The following MIDEAS variants were observed in gnomAD, a reference collection of about 807,000 sequenced individuals.
MIDEAS encodes the protein mitotic deacetylase-associated SANT domain protein.
In MIDEAS, 26 loss-of-function variants were observed where a neutral mutation model predicts 102.7. The observed-to-expected ratio is 0.25, with a 90% CI of 0.19 to 0.35. The LOEUF (loss-of-function observed/expected upper bound fraction) is 0.35. Among genes scored for constraint, MIDEAS ranks in the 10% least tolerant of loss-of-function variants. MIDEAS has a pLI of 1.00. For synonymous variants in MIDEAS, 585 were observed against 591.0 expected (o/e 0.99, Z 0.15); for missense variants, 1,231 against 1,435.6 (o/e 0.86, Z 2.30).
At position 73,727,448 on chromosome 14, in the gene MIDEAS, C is replaced by T. The variant is rs1364712089; in HGVS notation, c.2162+10G>A. 6.2e-7 allele frequency: 1 copy of T among 1,613,902 alleles called. No individual in the cohort carries two copies. Among genetic ancestry groups the T allele is most frequent in the Non-Finnish European group, 8.5e-7 (1 of 1,179,998 alleles). On this transcript the variant is annotated intron_variant, in intron 5 of 12. Transcript: ENST00000423556. Reference sequence around the variant, plus strand: ...CCACACCCCTCGGCCAGGGGCAGGGCTGCACTTACGGCTCGATGCTCACTG... The same window carrying T: ...CCACACCCCTCGGCCAGGGGCAGGGTTGCACTTACGGCTCGATGCTCACTG...
upstream of MIDEAS, among the ~76,000 whole-genome samples, chr14:73,764,343 AAAAAAAAAAAAAAAAAAAAAC>A (rs1236393848): frequency 1.7e-5 from 1 of 57,598 alleles, no homozygotes; most frequent in Non-Finnish European, 3.5e-5. Context: ...CTGTCTCAAA[AAAAAAAAAAAAAAAAAAAAAC>A]AAAACAAAAC....
intron 1 of MIDEAS, among the ~76,000 whole-genome samples, chr14:73,767,247 T>G (rs760416715): frequency 1.3e-4 from 20 of 152,226 alleles, no homozygotes; most frequent in Admixed American, 4.6e-4. Flanking sequence ...TCAATAACTA[T>G]TGAGGCTCAG....
In MIDEAS at chr14:73,726,579, C is replaced by T. The variant is rs113920409; in HGVS notation, c.2409+25G>A. On this transcript the variant is annotated intron_variant, in intron 7 of 12. Transcript: ENST00000423556. ...AAGCCAGCCCCCACTGAGGGGCCCT[C>T]CCTCTGCTGGGGTTGCCTTCTCACC... The T allele has an allele frequency of 1.2e-5, 20 of 1,610,152 alleles. No homozygotes were observed. In the African/African-American group the frequency reaches 1.7e-4, roughly 14 times the overall value.
At chr14:73,750,020 C>A (rs1218560568) in intron 1 of MIDEAS, among the ~76,000 whole-genome samples, 2 of 152,148 alleles carry the variant, frequency 1.3e-5, no homozygotes, top group Non-Finnish European at 2.9e-5. Context: ...CTGCTTTTCC[C>A]TAGGAAAAAT....
intron 1 of MIDEAS, among the ~76,000 whole-genome samples, chr14:73,776,790 T>C (rs1242411140): frequency 6.6e-6 from 1 of 151,830 alleles, no homozygotes; most frequent in East Asian, 2.0e-4. Flanking sequence ...TTCAGAACCG[T>C]AACATCAGCC....
upstream of MIDEAS, among the ~76,000 whole-genome samples, chr14:73,762,671 G>C (rs983895299): frequency 6.6e-6 from 1 of 152,180 alleles, no homozygotes; most frequent in African/African-American, 2.4e-5. Context: ...CGTGTGAAGT[G>C]AAAGTTTTGG....
At position 73,739,423 on chromosome 14, in the gene MIDEAS, C is replaced by T; in HGVS notation, c.586G>A (p.Ala196Thr). ...GCTGCGTGGAAAGAATTCAGGGGTG[C>T]CTGGGGCCGCCCTACCTCCAGCTGC... ...KVQLEVGRPQ[A>T]PLNSFHAAKK... The change falls in exon 2 of 13, where the codon GCA becomes ACA. Residue 196 changes from alanine (A) to threonine (T), a missense_variant. Physicochemically the swap from Ala to Thr is moderately conservative, Grantham distance 58. Transcript: ENST00000423556. The T allele has an allele frequency of 6.3e-7, 1 of 1,582,470 alleles. No homozygotes were observed.
In MIDEAS at chr14:73,718,169, C is replaced by T. The variant is rs2052922056; in HGVS notation, c.*674G>A. The stretch of plus-strand genomic sequence containing the variant: ...AGCCCCTCCCCCAACGCTGAGAAAA[C>T]TTTCTAGCCCTAGCAAGGCCGCCAG... On this transcript the variant is annotated 3_prime_UTR_variant, in exon 13 of 13. Coordinates refer to ENST00000423556, the MANE Select transcript of MIDEAS (RefSeq NM_001367710.1). 6.6e-6 allele frequency: 1 copy of T among 152,438 alleles called. No homozygotes were observed. Among genetic ancestry groups the T allele is most frequent in the African/African-American group, 2.4e-5 (1 of 41,442 alleles). 9.4% of individuals were successfully genotyped at this position (152,438 alleles called of 1,614,324 possible).
intron 1 of MIDEAS, among the ~76,000 whole-genome samples, chr14:73,774,460 T>C (rs2053672090): frequency 6.6e-6 from 1 of 151,918 alleles, no homozygotes. Context: ...TCCCCAGCTC[T>C]GTCTCTGTGT....
intron 1 of MIDEAS, among the ~76,000 whole-genome samples, chr14:73,744,429 G>T (rs189782237): frequency 4.9e-4 from 74 of 152,326 alleles, no homozygotes; most frequent in African/African-American, 1.7e-3. Flanking sequence ...AGCTGCGGGG[G>T]CTCAGCTCTG....
chr14:73,752,748 A>G (rs1392737119), intron 1 of MIDEAS, among the ~76,000 whole-genome samples: 1 of 152,196 alleles, frequency 6.6e-6, no homozygotes, highest in East Asian at 1.9e-4. Flanking sequence ...AGGCTCACAC[A>G]TTCTTTGCAT....
chr14:73,758,037 G>C (rs565786412), intron 1 of MIDEAS, among the ~76,000 whole-genome samples: 1 of 152,204 alleles, frequency 6.6e-6, no homozygotes, highest in East Asian at 1.9e-4. Context: ...GTATGACCTG[G>C]GGGCATCCTC....
At position 73,715,251 on chromosome 14, in the gene MIDEAS, AAAG is replaced by A. The variant is rs1476859569; in HGVS notation, c.*3589_*3591del. 1 of 152,672 alleles carries A rather than the reference AAAG, an allele frequency of 6.5e-6. No homozygotes were observed. The allele number at this position is 152,672 out of a possible 1,614,324, so 9.5% of individuals were successfully genotyped here. A position where few individuals can be genotyped will look rare whatever the true frequency, so the allele number is the denominator to read the frequency against. ...TAGTGTATTAATTTTTTTCTTATAA[AAAG>A]CACACAAAAAATAAAATCTTCAGTC... On this transcript the variant is annotated 3_prime_UTR_variant, in exon 13 of 13. Coordinates refer to ENST00000423556, the MANE Select transcript of MIDEAS (RefSeq NM_001367710.1).
At position 73,747,427 on chromosome 14, in the gene MIDEAS, G is replaced by A. The variant is rs568371497; in HGVS notation, c.-247-7172C>T. 6.6e-5 allele frequency among the ~76,000 whole-genome samples: 10 copies of A among 152,270 alleles called. No homozygotes were observed. The East Asian group carries it at 1.2e-3, about 18-fold the overall frequency. ...GTGCCACCAGGACTAGCTGCATGCCGAATATGCGAGAGTACTGCTTATCTG... is the reference window on the plus strand; with the variant it reads ...GTGCCACCAGGACTAGCTGCATGCCAAATATGCGAGAGTACTGCTTATCTG... On this transcript the variant is annotated intron_variant, in intron 1 of 12. Transcript: ENST00000423556.
In MIDEAS at chr14:73,738,968, G is replaced by C. The variant is rs768249139; in HGVS notation, c.1041C>G (p.Arg347=). The change falls in exon 2 of 13, where the codon CGC becomes CGG. Residue 347 remains arginine, a synonymous_variant. Transcript: ENST00000423556. ...GCAGGATACCCTCCTTAGAGAGGCG[G>C]CGGGAGCGGCGGGGGAAGGGGATCT... is the stretch of plus-strand genomic sequence containing the variant. ...QVQIPFPRRS[R]RLSKEGILPP... is the part of the protein sequence containing the mutation. 6.5e-6 allele frequency: 10 copies of C among 1,531,982 alleles called. No homozygotes were observed. The highest frequency in any genetic ancestry group is 5.5e-5 in the African/African-American group (4 of 72,256). The allele number at this position is 1,531,982 out of a possible 1,614,324, so 94.9% of individuals were successfully genotyped here.
rs140868566 is a variant in MIDEAS, at chr14:73,720,108, C to G, written c.2938-607G>C. Among the ~76,000 whole-genome samples, 222 of 152,132 alleles carry G rather than the reference C, an allele frequency of 1.5e-3. 4 individuals carry two copies. The East Asian group carries it at 0.043, about 29-fold the overall frequency. On this transcript the variant is annotated intron_variant, in intron 11 of 12. Transcript: ENST00000423556. The stretch of plus-strand genomic sequence containing the variant: ...TCATGGGAAAGTTCACAAAAGTCAA[C>G]AGAACTCTGTAGAGCGCTACACAGA...
At position 73,726,915 on chromosome 14, in the gene MIDEAS, G is replaced by C. The variant is rs764321787; in HGVS notation, c.2220C>G (p.Ala740=). ...QAEIPLMRDR[A]LAAADPHKAD... ...CCTTGTGGGGATCTGCAGCTGCCAG[G>C]GCACGGTCCCTCATCAAGGGGATTT... The change falls in exon 6 of 13, where the codon GCC becomes GCG. Residue 740 remains alanine, a synonymous_variant. Coordinates refer to ENST00000423556, the MANE Select transcript of MIDEAS (RefSeq NM_001367710.1). 3 of 1,613,758 alleles carry C rather than the reference G, an allele frequency of 1.9e-6. No individual in the cohort carries two copies. In the African/African-American group the frequency reaches 4.0e-5, roughly 22 times the overall value.
rs1198982754 is a variant in MIDEAS at position 73,719,293 on chromosome 14, T to C, written c.3134+12A>G. On this transcript the variant is annotated intron_variant, in intron 12 of 12. Transcript: ENST00000423556. ...GCGGGGGTCCCAGCGGGGACAGCGC[T>C]GCCCACCTTACCTGCCACATTTTTT... The C allele has an allele frequency of 2.8e-6, 4 of 1,416,830 alleles. No individual in the cohort carries two copies. In the East Asian group the frequency reaches 1.5e-4, roughly 53 times the overall value. 87.8% of individuals were successfully genotyped at this position (1,416,830 alleles called of 1,614,324 possible). A position where few individuals can be genotyped will look rare whatever the true frequency, so the allele number is the denominator to read the frequency against.
intron 1 of MIDEAS, among the ~76,000 whole-genome samples, chr14:73,745,194 C>T (rs2053335371): frequency 6.6e-6 from 1 of 152,192 alleles, no homozygotes; most frequent in Admixed American, 6.5e-5. Flanking sequence ...AAGGCCCAGC[C>T]CGGGATCCCA....
Sources: gnomAD v4.1 joint callset for allele counts (sites outside exome capture counted in the v4.1 genomes callset) on GRCh38, gnomAD v4.1.1 for gene constraint, MANE v1.5 for transcripts, NCBI Gene and HGNC (gene_info 2026-07-23, HGNC 2026-07-21) for gene names.